Variants in APBA1 observed in about 807,000 individuals in gnomAD.
APBA1 encodes amyloid-beta A4 precursor protein-binding family A member 1.
APBA1 carries 55 observed loss-of-function variants against 86.6 expected under a neutral mutation model. The ratio of observed to expected loss-of-function variants is 0.64; its 90% CI spans 0.51 to 0.80. The LOEUF (loss-of-function observed/expected upper bound fraction) is 0.80. Among genes scored for constraint, APBA1 ranks in the 30% least tolerant of loss-of-function variants. The pLI is 0.00. For missense variants in APBA1, 1,090 were observed against 1,183.0 expected, an observed-to-expected ratio of 0.92 and a Z score of 1.15; for synonymous variants, 511 against 493.9, an observed-to-expected ratio of 1.03 and a Z score of -0.46.
At chr9:69,667,537 C>T (rs1823865224) in intron 1 of APBA1, among the ~76,000 whole-genome samples, 1 of 150,618 alleles carries the variant, frequency 6.6e-6, no homozygotes, top group African/African-American at 2.4e-5. Flanking sequence ...AATTCCTATG[C>T]TTCTGTCTCA....
intron 1 of APBA1, among the ~76,000 whole-genome samples, chr9:69,566,388 G>C (rs1433896333): frequency 6.6e-6 from 1 of 152,150 alleles, no homozygotes; most frequent in Non-Finnish European, 1.5e-5. Context: ...ACACCTGATT[G>C]CAAGTTTCTT....
rs375280475 is a variant in APBA1 at position 69,441,030 on chromosome 9, C to T, written c.2267G>A (p.Arg756His). The T allele has an allele frequency of 5.0e-5, 81 of 1,613,914 alleles. No homozygotes were observed. Among genetic ancestry groups the T allele is most frequent in the Admixed American group, 1.5e-4 (9 of 59,994 alleles). ...CTGGACGCTGAAACCGAGCTGGTAG[C>T]GAAGGTCTGGTCTTCTGATTAACAC... ...TTVLIRRPDLRYQLGFSVQNG... is the reference protein window; with the variant it reads ...TTVLIRRPDLHYQLGFSVQNG... The change falls in exon 11 of 13, where the codon CGC (arginine) becomes CAC (histidine). Residue 756 changes from arginine to histidine, a missense_variant. By Grantham distance (29) the Arg-to-His change is conservative. Around this residue, in one of 6 missense-constraint regions of APBA1, gnomAD observed 119 missense variants for 124.8 expected, o/e 0.95. Coordinates refer to ENST00000265381, the MANE Select transcript of APBA1 (RefSeq NM_001163.4).
chr9:69,433,041 T>C (rs1834633157), intron 11 of APBA1, among the ~76,000 whole-genome samples: 1 of 152,180 alleles, frequency 6.6e-6, no homozygotes, highest in South Asian at 2.1e-4. Context: ...GTTCCCGTAG[T>C]CATGACTGGG....
At chr9:69,444,500 C>T (rs1834876449) in intron 10 of APBA1, among the ~76,000 whole-genome samples, 1 of 152,148 alleles carries the variant, frequency 6.6e-6, no homozygotes, top group African/African-American at 2.4e-5. Flanking sequence ...CTTTGCTGGC[C>T]CTTCTCCCAC....
intron 1 of APBA1, among the ~76,000 whole-genome samples, chr9:69,664,088 T>C (rs372109136): frequency 1.6e-4 from 24 of 152,106 alleles, no homozygotes; most frequent in African/African-American, 5.5e-4. Flanking sequence ...TGAAAAGGAG[T>C]TGTGTGTTTC....
intron 1 of APBA1, among the ~76,000 whole-genome samples, chr9:69,641,478 C>T (rs923533225): frequency 1.3e-5 from 2 of 152,108 alleles, no homozygotes; most frequent in Non-Finnish European, 2.9e-5. Context: ...AGGACTCATA[C>T]TACCTGATTA....
intron 9 of APBA1, among the ~76,000 whole-genome samples, chr9:69,451,770 G>A (rs12336955): frequency 0.053 from 8,117 of 152,160 alleles, 719 homozygotes; most frequent in African/African-American, 0.18. Context: ...GTTTTGATTA[G>A]TGCCTGTACC....
intron 1 of APBA1, among the ~76,000 whole-genome samples, chr9:69,524,165 C>T (rs993212984): frequency 6.6e-6 from 1 of 151,914 alleles, no homozygotes; most frequent in Non-Finnish European, 1.5e-5. Flanking sequence ...TAACATCACA[C>T]CTAGAGGAAC....
chr9:69,589,512 T>C (rs182736041), intron 1 of APBA1, among the ~76,000 whole-genome samples: 15 of 152,300 alleles, frequency 9.8e-5, no homozygotes, highest in Non-Finnish European at 1.6e-4. Context: ...CAGTGTATCA[T>C]GACAAGATTT....
chr9:69,663,476 G>A (rs534150258), intron 1 of APBA1, among the ~76,000 whole-genome samples: 2 of 152,122 alleles, frequency 1.3e-5, no homozygotes, highest in Non-Finnish European at 2.9e-5. Flanking sequence ...CTCTAAGCTC[G>A]TCCTCTGCTT....
chr9:69,470,721 G>C (rs560628305), intron 4 of APBA1, among the ~76,000 whole-genome samples: 8 of 152,144 alleles, frequency 5.3e-5, no homozygotes, highest in African/African-American at 1.9e-4. Flanking sequence ...ATGTCTGGGC[G>C]TTCTCTGGCC....
chr9:69,515,692 G>GC (rs1245997708), intron 2 of APBA1, among the ~76,000 whole-genome samples: 3 of 9,136 alleles, frequency 3.3e-4, no homozygotes, highest in Non-Finnish European at 7.8e-4. Flanking sequence ...TCAGAAACTG[G>GC]GGGGGGGGGG....
At chr9:69,442,791 T>G (rs552874705) in intron 10 of APBA1, among the ~76,000 whole-genome samples, 4 of 152,306 alleles carry the variant, frequency 2.6e-5, no homozygotes, top group Admixed American at 1.3e-4. Context: ...CCAAATCTTT[T>G]TCAGTGCGAG....
At chr9:69,432,758 C>T (rs567724663) in intron 11 of APBA1, 82 bp from the exon 12 acceptor site, 791 of 1,296,172 alleles carry the variant, frequency 6.1e-4, no homozygotes, top group Non-Finnish European at 7.7e-4. Flanking sequence ...AAGCCCCCTG[C>T]CCCTACACTC....
rs753563340 is a variant in APBA1 at position 69,516,026 on chromosome 9, C to T, written c.1185G>A (p.Arg395=). ...ISPTRDCDDQ[R]PMDGDSPSPG... is the part of the protein sequence containing the mutation. ...ACCTACTTACATCTCCGTCCATCGG[C>T]CTCTGGTCGTCACAGTCCCTGGTGG... Residue 395 remains arginine (R), a synonymous_variant, in exon 2 of 13, where the codon AGG becomes AGA. Coordinates refer to ENST00000265381, the MANE Select transcript of APBA1 (RefSeq NM_001163.4). The surrounding 1 kb of genome is among the most constrained non-coding windows in gnomAD (Gnocchi z 7.3). The T allele has an allele frequency of 8.9e-6, 14 of 1,580,054 alleles. No homozygotes were observed. The highest frequency in any genetic ancestry group is 8.0e-5 in the South Asian group (7 of 87,790).
intron 1 of APBA1, among the ~76,000 whole-genome samples, chr9:69,589,778 C>A (rs1822092366): frequency 6.6e-6 from 1 of 152,152 alleles, no homozygotes; most frequent in African/African-American, 2.4e-5. Context: ...CTGGGATTGG[C>A]TTTTCTATTT....
At chr9:69,653,014 C>A (rs200599531) in intron 1 of APBA1, among the ~76,000 whole-genome samples, 16 of 145,744 alleles carry the variant, frequency 1.1e-4, no homozygotes, top group Non-Finnish European at 9.0e-5. Flanking sequence ...CAAAAACAAG[C>A]AAAAAAAAAA....
intron 2 of APBA1, among the ~76,000 whole-genome samples, chr9:69,514,554 A>T (rs1332068000): frequency 6.6e-6 from 1 of 151,774 alleles, no homozygotes; most frequent in Non-Finnish European, 1.5e-5. Context: ...ACACCATTGC[A>T]CTCCAGCCTG....
At position 69,517,126 on chromosome 9, in the gene APBA1, G is replaced by T. The variant is rs779517681; in HGVS notation, c.85C>A (p.Leu29Met). Residue 29 changes from leucine (L) to methionine (M), a missense_variant, in exon 2 of 13, where the codon CTG becomes ATG. Leu to Met is a conservative substitution (Grantham distance 15). Around this residue, in one of 6 missense-constraint regions of APBA1, gnomAD observed 678 missense variants for 647.1 expected, o/e 1.05. Transcript: ENST00000265381. ...TCCTCTTCCACCTCGGGGTGCTCCA[G>T]GTCGGCCTCCACCGACTCGTTCACC... ...GEVNESVEADLEHPEVEEEQQ... is the reference protein window; with the variant it reads ...GEVNESVEADMEHPEVEEEQQ... 3.0e-5 allele frequency: 47 copies of T among 1,572,294 alleles called. No individual in the cohort carries two copies. The highest frequency in any genetic ancestry group is 3.8e-5 in the Non-Finnish European group (44 of 1,161,250).
Sources: allele counts gnomAD v4.1 joint callset (sites outside exome capture counted in the v4.1 genomes callset), GRCh38; gene constraint gnomAD v4.1.1; regional missense constraint gnomAD v4.1.1; non-coding constraint Gnocchi (gnomAD v3.1); transcripts MANE v1.5; gene names NCBI Gene and HGNC (gene_info 2026-07-23, HGNC 2026-07-21).